The following CSMD1 variants were observed in gnomAD, a reference collection of about 807,000 sequenced individuals.
The protein encoded by CSMD1 is CUB and Sushi multiple domains 1.
CSMD1 carries 213 observed loss-of-function variants against 417.5 expected under a neutral mutation model. The ratio of observed to expected loss-of-function variants is 0.51; its 90% CI spans 0.46 to 0.57. CSMD1 has a LOEUF of 0.57. Among genes scored for constraint, CSMD1 ranks in the 20% least tolerant of loss-of-function variants. The pLI is 0.00. For missense variants in CSMD1, 6,923 were observed against 4,529.7 expected (o/e 1.53, Z -15.17); for synonymous variants, 2,862 against 1,736.8 (o/e 1.65, Z -16.11).
chr8:4,121,081 GTATTTTTATTTTATTTTTTATTTATTTT>G, intron 3 of CSMD1, among the ~76,000 whole-genome samples: 1 of 151,740 alleles, frequency 6.6e-6, no homozygotes, highest in South Asian at 2.1e-4. Context: ...GTTTGTCAAG[GTATTTTTATTTTATTTTTTATTTATTTT>G]TATTTTTATT....
chr8:3,305,195 C>T (rs1490938688), intron 25 of CSMD1, among the ~76,000 whole-genome samples: 1 of 152,098 alleles, frequency 6.6e-6, no homozygotes, highest in Non-Finnish European at 1.5e-5. Context: ...TATTTATTTC[C>T]ATAGAAACAT....
chr8:4,382,827 T>A (rs553971241), intron 3 of CSMD1, among the ~76,000 whole-genome samples: 2 of 152,164 alleles, frequency 1.3e-5, no homozygotes, highest in Non-Finnish European at 2.9e-5. Flanking sequence ...TATCATTACA[T>A]TGTGACAACG....
chr8:3,688,037 T>A (rs764228099), intron 7 of CSMD1, among the ~76,000 whole-genome samples: 2 of 152,220 alleles, frequency 1.3e-5, no homozygotes, highest in East Asian at 1.9e-4. Flanking sequence ...CCGAAATGGA[T>A]TGCTTTGCTC....
intron 3 of CSMD1, among the ~76,000 whole-genome samples, chr8:4,105,991 G>C (rs1177922432): frequency 6.6e-6 from 1 of 152,188 alleles, no homozygotes; most frequent in East Asian, 1.9e-4. Flanking sequence ...AAAATGTAGA[G>C]CAGGAGATTG....
chr8:2,966,703 A>C lies in CSMD1; in HGVS notation c.8967T>G (p.Ile2989Met). 1 of 1,613,838 alleles carries C rather than the reference A, an allele frequency of 6.2e-7. No individual in the cohort carries two copies. The highest frequency in any genetic ancestry group is 8.5e-7 in the Non-Finnish European group (1 of 1,179,834). ...GNPGTPTNGM[I>M]VSSDGILFSS... is the part of the protein sequence containing the mutation. ...AGAACAGAATGCCATCACTACTGACAATCATTCCGTTGGTGGGTGTGCCAG... is the reference window on the plus strand; with the variant it reads ...AGAACAGAATGCCATCACTACTGACCATCATTCCGTTGGTGGGTGTGCCAG... The change falls in exon 58 of 70, where the codon ATT becomes ATG. Residue 2989 changes from isoleucine to methionine, a missense_variant. Ile to Met is a conservative substitution (Grantham distance 10). Coordinates refer to ENST00000635120, the MANE Select transcript of CSMD1 (RefSeq NM_033225.6).
At chr8:3,048,152 T>C (rs1029662092) in intron 50 of CSMD1, among the ~76,000 whole-genome samples, 12 of 152,190 alleles carry the variant, frequency 7.9e-5, no homozygotes, top group Non-Finnish European at 1.2e-4. Context: ...TTAAATGTAA[T>C]GAAAGTACCC....
chr8:3,953,780 GC>G (rs1378282209), intron 5 of CSMD1, among the ~76,000 whole-genome samples: 1 of 152,036 alleles, frequency 6.6e-6, no homozygotes, highest in Admixed American at 6.5e-5. Context: ...TTATCCACAA[GC>G]CCCGCAACAC....
At chr8:4,273,771 T>C (rs914636572) in intron 3 of CSMD1, among the ~76,000 whole-genome samples, 2 of 152,176 alleles carry the variant, frequency 1.3e-5, no homozygotes, top group African/African-American at 4.8e-5. Flanking sequence ...TGATTTAGCC[T>C]CTGTAAGCTT....
intron 1 of CSMD1, among the ~76,000 whole-genome samples, chr8:4,744,354 T>C (rs775553875): frequency 1.3e-5 from 2 of 152,186 alleles, no homozygotes; most frequent in Non-Finnish European, 2.9e-5. Flanking sequence ...CACAACTTCT[T>C]TCCATTTCAG....
intron 3 of CSMD1, among the ~76,000 whole-genome samples, chr8:4,161,531 C>T (rs1797168285): frequency 6.6e-6 from 1 of 152,180 alleles, no homozygotes; most frequent in South Asian, 2.1e-4. Flanking sequence ...CACGCAAAGT[C>T]CACTGTGCAC....
At chr8:4,417,085 A>C (rs549009364) in intron 3 of CSMD1, among the ~76,000 whole-genome samples, 1 of 152,030 alleles carries the variant, frequency 6.6e-6, no homozygotes, top group Admixed American at 6.6e-5. Context: ...ATTTTATTCT[A>C]TATTTAGCAG....
chr8:4,656,731 G>A (rs1377025632), intron 1 of CSMD1, among the ~76,000 whole-genome samples: 2 of 152,022 alleles, frequency 1.3e-5, no homozygotes, highest in Non-Finnish European at 2.9e-5. Flanking sequence ...CCAGAACAGT[G>A]TTTGGGGACA....
intron 10 of CSMD1, among the ~76,000 whole-genome samples, chr8:3,497,093 T>G (rs1796397153): frequency 6.6e-6 from 1 of 152,224 alleles, no homozygotes; most frequent in Non-Finnish European, 1.5e-5. Context: ...TCATACCATG[T>G]ACTGATGAGA....
rs975221331 is a variant in CSMD1 at position 3,758,725 on chromosome 8, G to C, written c.819-4683C>G. Reference sequence around the variant, plus strand: ...GGGAGGCAGAATCATACCTGCTACAGACAGATCCCCAAGCCCCGAGGTCCT... The same window carrying C: ...GGGAGGCAGAATCATACCTGCTACACACAGATCCCCAAGCCCCGAGGTCCT... On this transcript the variant is annotated intron_variant, in intron 5 of 69. Coordinates refer to ENST00000635120, the MANE Select transcript of CSMD1 (RefSeq NM_033225.6). Among the ~76,000 whole-genome samples, 8 of 152,288 alleles carry C rather than the reference G, an allele frequency of 5.3e-5. No individual in the cohort carries two copies. The South Asian group carries it at 1.7e-3, about 32-fold the overall frequency.
At chr8:4,022,256 T>G (rs1796827628) in intron 4 of CSMD1, among the ~76,000 whole-genome samples, 1 of 150,834 alleles carries the variant, frequency 6.6e-6, no homozygotes, top group Admixed American at 6.6e-5. Flanking sequence ...TATGCCTCAC[T>G]ATTCATTTGC....
At chr8:4,628,202 C>A (rs12682447) in intron 2 of CSMD1, among the ~76,000 whole-genome samples, 34,018 of 150,726 alleles carry the variant, frequency 0.23, 4,021 homozygotes, top group East Asian at 0.31. Flanking sequence ...TCTATGTTAA[C>A]ATTTTCTTGT....
chr8:2,967,302 A>G (rs1161241821), intron 57 of CSMD1, among the ~76,000 whole-genome samples: 2 of 152,228 alleles, frequency 1.3e-5, no homozygotes, highest in Non-Finnish European at 2.9e-5. Context: ...TGGTGTCCTC[A>G]ATAATTACCA....
At chr8:3,450,728 G>C (rs905733492) in intron 12 of CSMD1, among the ~76,000 whole-genome samples, 3 of 151,982 alleles carry the variant, frequency 2.0e-5, no homozygotes, top group African/African-American at 7.3e-5. Flanking sequence ...TGGACATTTG[G>C]GTTGGTTCCA....
chr8:4,604,494 G>C (rs17070764), intron 2 of CSMD1, among the ~76,000 whole-genome samples: 18 of 151,474 alleles, frequency 1.2e-4, no homozygotes, highest in Non-Finnish European at 2.1e-4. Context: ...TCTTCTCGTG[G>C]TCATTAGCTT....
Sources: allele counts gnomAD v4.1 joint callset (sites outside exome capture counted in the v4.1 genomes callset), GRCh38; gene constraint gnomAD v4.1.1; transcripts MANE v1.5; gene names NCBI Gene and HGNC (gene_info 2026-07-23, HGNC 2026-07-21).